Variants in PELI2 observed in about 807,000 individuals in gnomAD.
PELI2 encodes the protein pellino E3 ubiquitin protein ligase family member 2.
PELI2 carries 23 observed loss-of-function variants against 42.3 expected under a neutral mutation model. The observed-to-expected ratio is 0.54, with a 90% CI of 0.39 to 0.77. The LOEUF (loss-of-function observed/expected upper bound fraction) is 0.77. Among genes scored for constraint, PELI2 ranks in the 30% least tolerant of loss-of-function variants. The probability of loss-of-function intolerance (pLI) is 0.00; values close to 1 mark genes in which losing one functional copy is unlikely to be tolerated. For missense variants in PELI2, 463 were observed against 553.2 expected, an observed-to-expected ratio of 0.84 and a Z score of 1.64; for synonymous variants, 245 against 212.2, an observed-to-expected ratio of 1.15 and a Z score of -1.34.
At chr14:56,261,224 C>T (rs549746040) in intron 2 of PELI2, among the ~76,000 whole-genome samples, 1 of 152,310 alleles carries the variant, frequency 6.6e-6, no homozygotes, top group African/African-American at 2.4e-5. Context: ...TACTTGGTAA[C>T]TGTGTCCTGT....
At chr14:56,196,680 T>C (rs1030686566) in intron 2 of PELI2, among the ~76,000 whole-genome samples, 1 of 152,244 alleles carries the variant, frequency 6.6e-6, no homozygotes, top group Non-Finnish European at 1.5e-5. Context: ...GGAACGTTTG[T>C]CTTAATTTTT....
intron 2 of PELI2, among the ~76,000 whole-genome samples, chr14:56,270,761 T>C (rs1889075929): frequency 1.3e-5 from 2 of 152,216 alleles, no homozygotes; most frequent in Admixed American, 6.5e-5. Flanking sequence ...ACTCCCTTTA[T>C]TGATGAATTA....
chr14:56,165,528 C>T (rs1403496854), intron 1 of PELI2, among the ~76,000 whole-genome samples: 1 of 152,118 alleles, frequency 6.6e-6, no homozygotes, highest in East Asian at 1.9e-4. Flanking sequence ...TGAGAATGAT[C>T]CATGTGCTGA....
chr14:56,280,473 C>T (rs1332159222), intron 3 of PELI2, among the ~76,000 whole-genome samples: 1 of 151,692 alleles, frequency 6.6e-6, no homozygotes, highest in Non-Finnish European at 1.5e-5. Flanking sequence ...AAACAACAAA[C>T]AATTAAAATT....
chr14:56,300,126 T>C lies in PELI2; in HGVS notation c.*2960T>C, dbSNP rs1890129885. The C allele has an allele frequency of 6.6e-6, 1 of 152,658 alleles. No homozygotes were observed. The highest frequency in any genetic ancestry group is 1.5e-5 in the Non-Finnish European group (1 of 68,048). 9.5% of individuals were successfully genotyped at this position (152,658 alleles called of 1,614,324 possible). On this transcript the variant is annotated 3_prime_UTR_variant, in exon 6 of 6. Transcript: ENST00000267460. ...GCCCAAAAGAATTAAAATCTGTTAA[T>C]ATAAATAGAGAACATATTTATCATT...
At chr14:56,168,752 C>T (rs1283805685) in intron 1 of PELI2, among the ~76,000 whole-genome samples, 2 of 152,020 alleles carry the variant, frequency 1.3e-5, no homozygotes, top group African/African-American at 2.4e-5. Context: ...AGTTTTGCCC[C>T]ATAGCTACCA....
intron 2 of PELI2, among the ~76,000 whole-genome samples, chr14:56,245,112 A>G (rs1262739355): frequency 6.6e-6 from 1 of 152,200 alleles, no homozygotes; most frequent in Non-Finnish European, 1.5e-5. Flanking sequence ...CCAGACTTAA[A>G]GGATAACTTA....
chr14:56,174,070 T>G (rs1305357331), intron 1 of PELI2, among the ~76,000 whole-genome samples: 4 of 151,988 alleles, frequency 2.6e-5, no homozygotes, highest in African/African-American at 9.7e-5. Flanking sequence ...CCCAGCTAAT[T>G]TTTTGTATTT....
intron 2 of PELI2, among the ~76,000 whole-genome samples, chr14:56,192,513 G>GCCCTCT (rs1231846702): frequency 1.3e-5 from 2 of 152,100 alleles, no homozygotes; most frequent in Admixed American, 1.3e-4. Context: ...CATCTCCTGT[G>GCCCTCT]CCCTCGTATG....
chr14:56,202,638 A>G (rs1392324231), intron 2 of PELI2, among the ~76,000 whole-genome samples: 2 of 152,082 alleles, frequency 1.3e-5, no homozygotes, highest in Non-Finnish European at 2.9e-5. Context: ...GGGAGTGGGG[A>G]AGGGTGGGAC....
rs1882997233 is a variant in PELI2 at position 56,119,803 on chromosome 14, C to T, written c.77+1066C>T. On this transcript the variant is annotated intron_variant, in intron 1 of 5. Transcript: ENST00000267460. ...CCTTTGGATGTGTCGCTCTGGGAAC[C>T]CGCGCTTTTGTCCTTCTGCGTTGAA... The T allele has an allele frequency of 5.1e-6, 5 of 985,008 alleles. No homozygotes were observed. The South Asian group carries it at 1.9e-4, about 37-fold the overall frequency. The allele number at this position is 985,008 out of a possible 1,614,324, so 61.0% of individuals were successfully genotyped here.
intron 2 of PELI2, among the ~76,000 whole-genome samples, chr14:56,207,087 T>C (rs1886544296): frequency 6.6e-6 from 1 of 152,118 alleles, no homozygotes; most frequent in South Asian, 2.1e-4. Flanking sequence ...CAGAGCAGAG[T>C]GAACATACGA....
chr14:56,177,754 T>A (rs1440356048), intron 1 of PELI2, among the ~76,000 whole-genome samples: 2 of 152,232 alleles, frequency 1.3e-5, no homozygotes, highest in African/African-American at 4.8e-5. Context: ...AAAATATATT[T>A]AATTTCTGCA....
intron 2 of PELI2, among the ~76,000 whole-genome samples, chr14:56,206,446 A>G (rs1328314024): frequency 6.6e-6 from 1 of 152,176 alleles, no homozygotes; most frequent in Non-Finnish European, 1.5e-5. Context: ...GGTTCTTTCC[A>G]GTTTAACCTT....
chr14:56,244,084 A>G (rs1888069203), intron 2 of PELI2, among the ~76,000 whole-genome samples: 1 of 152,192 alleles, frequency 6.6e-6, no homozygotes, highest in African/African-American at 2.4e-5. Flanking sequence ...CAGATCAAGT[A>G]CAAAATAGTG....
intron 2 of PELI2, among the ~76,000 whole-genome samples, chr14:56,278,320 A>G (rs1008201516): frequency 2.0e-5 from 3 of 152,178 alleles, no homozygotes; most frequent in East Asian, 1.9e-4. Context: ...ATGATTTGAT[A>G]TATATACACA....
At chr14:56,289,339 T>C (rs1287733580) in intron 4 of PELI2, among the ~76,000 whole-genome samples, 1 of 152,186 alleles carries the variant, frequency 6.6e-6, no homozygotes, top group African/African-American at 2.4e-5. Context: ...TGCACCAGCC[T>C]CTTCCTGGGA....
chr14:56,199,301 G>C (rs770471249), intron 2 of PELI2, among the ~76,000 whole-genome samples: 69 of 152,032 alleles, frequency 4.5e-4, no homozygotes, highest in Non-Finnish European at 6.6e-4. Context: ...GTTCTGCCTG[G>C]GCTCTAATCT....
chr14:56,200,357 A>G (rs1157050676), intron 2 of PELI2, among the ~76,000 whole-genome samples: 2 of 73,144 alleles, frequency 2.7e-5, no homozygotes, highest in South Asian at 6.1e-4. Context: ...GGCTTTTATC[A>G]TTTCCATTTT....
Sources: gnomAD v4.1 joint callset for allele counts (sites outside exome capture counted in the v4.1 genomes callset) on GRCh38, gnomAD v4.1.1 for gene constraint, MANE v1.5 for transcripts, NCBI Gene and HGNC (gene_info 2026-07-23, HGNC 2026-07-21) for gene names.